CSNK2A2: variants seen among roughly 807,000 people sequenced by gnomAD.
CSNK2A2 encodes casein kinase 2 alpha 2, also known as casein kinase II subunit alpha'.
Under a neutral mutation model 54.0 loss-of-function variants are expected in CSNK2A2, and 8 were observed. That is an observed-to-expected ratio of 0.15 (90% CI 0.09 to 0.27). The LOEUF is 0.27. Ranked by LOEUF, CSNK2A2 falls within the 10% of genes least tolerant of loss-of-function variation. The pLI, the probability that CSNK2A2 is intolerant of heterozygous loss-of-function variation, is 1.00. For missense variants in CSNK2A2, 242 were observed against 439.4 expected, an observed-to-expected ratio of 0.55 and a Z score of 4.02; for synonymous variants, 141 against 153.9, an observed-to-expected ratio of 0.92 and a Z score of 0.62.
Position 58,195,440 on chromosome 16 carries a change from G to A in CSNK2A2, c.216+1293C>T, listed in dbSNP as rs1962417195. On this transcript the variant is annotated intron_variant, in intron 2 of 11. Transcript: ENST00000262506. ...AAGCCTGACCCCTCACATTAAACAG[G>A]GATTACCTATACCAGCTGCCCTAGC... 5.3e-5 allele frequency among the ~76,000 whole-genome samples: 8 copies of A among 152,218 alleles called. No individual in the cohort carries two copies. The South Asian group carries it at 1.7e-3, about 32-fold the overall frequency.
In CSNK2A2 at chr16:58,184,400, C is replaced by A. The variant is rs1017873814; in HGVS notation, c.319-90G>T. ...CAAAATGGCCCATCCCCAAATCCTA[C>A]TTAGGTAACACAGGGATTCACTCAT... On this transcript the variant is annotated intron_variant, in intron 3 of 11. Transcript: ENST00000262506. 5 of 860,852 alleles carry A rather than the reference C, an allele frequency of 5.8e-6. No homozygotes were observed. In the Admixed American group the frequency reaches 8.5e-5, roughly 15 times the overall value. The allele number at this position is 860,852 out of a possible 1,614,324, so 53.3% of individuals were successfully genotyped here. A position where few individuals can be genotyped will look rare whatever the true frequency, so the allele number is the denominator to read the frequency against.
At chr16:58,188,124 T>C (rs986300247) in intron 2 of CSNK2A2, among the ~76,000 whole-genome samples, 2 of 152,114 alleles carry the variant, frequency 1.3e-5, no homozygotes, top group African/African-American at 2.4e-5. Flanking sequence ...AGATACAGCT[T>C]TGAACACATA....
At chr16:58,193,253 T>C (rs928738432) in intron 2 of CSNK2A2, among the ~76,000 whole-genome samples, 5 of 152,164 alleles carry the variant, frequency 3.3e-5, no homozygotes, top group Admixed American at 2.6e-4. Context: ...TGATATAATA[T>C]AAAGATCACC....
chr16:58,166,796 C>T (rs1000758034), intron 8 of CSNK2A2, 112 bp from the exon 9 acceptor site: 32 of 742,100 alleles, frequency 4.3e-5, no homozygotes, highest in South Asian at 2.3e-4. Context: ...CCTCTAGGAA[C>T]GAGATACAAA....
chr16:58,186,010 A>C (rs1401775852), intron 3 of CSNK2A2, among the ~76,000 whole-genome samples: 1 of 152,236 alleles, frequency 6.6e-6, no homozygotes, highest in African/African-American at 2.4e-5. Context: ...CTATTTCTTT[A>C]ATAAACAAAA....
Position 58,165,650 on chromosome 16 carries a change from G to C in CSNK2A2, c.886C>G (p.Pro296Ala). 6.2e-7 allele frequency: 1 copy of C among 1,614,068 alleles called. No homozygotes were observed. The highest frequency in any genetic ancestry group is 1.3e-5 in the African/African-American group (1 of 75,034). ...TTGTCCAGAAGATCTAGGGCCTCAG[G>C]GCTGACAAGGTGTCTGTTCTCACTA... ...IHSENRHLVS[P>A]EALDLLDKLL... Residue 296 changes from proline (P) to alanine (A), a missense_variant, in exon 10 of 12, where the codon CCT becomes GCT. By Grantham distance (27) the Pro-to-Ala change is conservative. This residue lies in a region of CSNK2A2 where 81 missense variants were observed against 135.0 expected (regional missense o/e 0.60). Coordinates refer to ENST00000262506, the MANE Select transcript of CSNK2A2 (RefSeq NM_001896.4).
Position 58,197,497 on chromosome 16 carries a change from G to C in CSNK2A2, c.104+136C>G. The C allele has an allele frequency of 4.3e-6, 2 of 470,276 alleles. No individual in the cohort carries two copies. The highest frequency in any genetic ancestry group is 7.7e-6 in the Non-Finnish European group (2 of 261,362). 29.1% of individuals were successfully genotyped at this position (470,276 alleles called of 1,614,324 possible). A position where few individuals can be genotyped will look rare whatever the true frequency, so the allele number is the denominator to read the frequency against. ...AAGAGGAAGACGAGGACATGTGCGA[G>C]AGCGGGACCTCTGCCTCCCTGCGGG... is the stretch of plus-strand genomic sequence containing the variant. On this transcript the variant is annotated intron_variant, in intron 1 of 11. Coordinates refer to ENST00000262506, the MANE Select transcript of CSNK2A2 (RefSeq NM_001896.4). This position sits in a 1 kb window ranked among gnomAD's most constrained non-coding sequence, Gnocchi z 4.0.
chr16:58,184,328 A>T lies in CSNK2A2; in HGVS notation c.319-18T>A. ...GTCTTTGACTGTAAAAGAGAATATTAATGCTTTTTAAGTACCCAAACAATA... is the reference window on the plus strand; with the variant it reads ...GTCTTTGACTGTAAAAGAGAATATTTATGCTTTTTAAGTACCCAAACAATA... On this transcript the variant is annotated intron_variant, in intron 3 of 11. Transcript: ENST00000262506. The T allele has an allele frequency of 6.4e-7, 1 of 1,551,520 alleles. No homozygotes were observed. The highest frequency in any genetic ancestry group is 8.9e-7 in the Non-Finnish European group (1 of 1,129,146).
intron 5 of CSNK2A2, among the ~76,000 whole-genome samples, chr16:58,168,944 T>G (rs1961653069): frequency 6.6e-6 from 1 of 151,722 alleles, no homozygotes; most frequent in Non-Finnish European, 1.5e-5. Context: ...TTTTTTTTTT[T>G]GAGATGGAGT....
Position 58,165,662 on chromosome 16 carries a change from G to A in CSNK2A2, c.874C>T (p.His292Tyr). The A allele has an allele frequency of 1.2e-6, 2 of 1,613,982 alleles. No homozygotes were observed. The highest frequency in any genetic ancestry group is 1.1e-5 in the South Asian group (1 of 91,050). Residue 292 changes from histidine to tyrosine, a missense_variant, in exon 10 of 12, where the codon CAC becomes TAC. By Grantham distance (83) the His-to-Tyr change is moderately conservative. Around this residue, in one of 5 missense-constraint regions of CSNK2A2, gnomAD observed 81 missense variants for 135.0 expected, o/e 0.60. Coordinates refer to ENST00000262506, the MANE Select transcript of CSNK2A2 (RefSeq NM_001896.4). ...WENFIHSENR[H>Y]LVSPEALDLL... The stretch of plus-strand genomic sequence containing the variant: ...TCTAGGGCCTCAGGGCTGACAAGGT[G>A]TCTGTTCTCACTATGGATAAAGTTT...
intron 4 of CSNK2A2, among the ~76,000 whole-genome samples, chr16:58,180,047 C>T (rs547696276): frequency 2.7e-5 from 4 of 147,224 alleles, no homozygotes; most frequent in Non-Finnish European, 5.9e-5. Context: ...CCACTGCACT[C>T]CAGCCTGGGC....
chr16:58,170,022 G>A (rs1385708381), intron 5 of CSNK2A2, among the ~76,000 whole-genome samples: 1 of 151,980 alleles, frequency 6.6e-6, no homozygotes, highest in East Asian at 1.9e-4. Context: ...CTTCAGCCTG[G>A]GCAACAAAGC....
intron 11 of CSNK2A2, chr16:58,163,270 A>AG (rs1961446657): frequency 1.4e-5 from 2 of 144,180 alleles, no homozygotes; most frequent in Admixed American, 7.3e-5. Context: ...AAAAAAAAAA[A>AG]AAAAAAAGAA....
At chr16:58,160,569 G>A (rs939875952) in intron 11 of CSNK2A2, 1 of 152,300 alleles carries the variant, frequency 6.6e-6, no homozygotes, top group African/African-American at 2.4e-5. Context: ...CACGAGCCCC[G>A]CGGCACCCAG....
intron 4 of CSNK2A2, among the ~76,000 whole-genome samples, chr16:58,177,889 A>C (rs570669338): frequency 5.5e-4 from 84 of 152,224 alleles, no homozygotes; most frequent in Non-Finnish European, 1.1e-3. Flanking sequence ...AACCGAGGTC[A>C]ACGTTTTTAG....
intron 5 of CSNK2A2, 40 bp downstream of exon 5, chr16:58,174,411 C>T (rs112922837): frequency 9.3e-5 from 129 of 1,389,840 alleles, no homozygotes; most frequent in Middle Eastern, 5.4e-4. Flanking sequence ...TTTTAATGAA[C>T]AGGCCTGAAA....
chr16:58,193,656 T>C (rs969921850), intron 2 of CSNK2A2, among the ~76,000 whole-genome samples: 1 of 152,226 alleles, frequency 6.6e-6, no homozygotes, highest in African/African-American at 2.4e-5. Context: ...TGCTAAAAGT[T>C]GTCAAAGGTG....
intron 4 of CSNK2A2, among the ~76,000 whole-genome samples, chr16:58,178,274 CTT>C (rs1446560401): frequency 6.7e-6 from 1 of 148,264 alleles, no homozygotes; most frequent in Admixed American, 6.7e-5. Context: ...CTTAGCTTCT[CTT>C]GAGGCGCTTT....
At chr16:58,196,457 C>CA (rs1414374074) in intron 2 of CSNK2A2, among the ~76,000 whole-genome samples, 1 of 152,006 alleles carries the variant, frequency 6.6e-6, no homozygotes, top group African/African-American at 2.4e-5. Context: ...CCTGACTCTA[C>CA]AAAAAAATTT....
Sources: allele counts gnomAD v4.1 joint callset (sites outside exome capture counted in the v4.1 genomes callset), GRCh38; gene constraint gnomAD v4.1.1; regional missense constraint gnomAD v4.1.1; non-coding constraint Gnocchi (gnomAD v3.1); transcripts MANE v1.5; gene names NCBI Gene and HGNC (gene_info 2026-07-23, HGNC 2026-07-21).